Variants in USH2A observed in about 807,000 individuals in gnomAD.
USH2A encodes Usher syndrome 2A (autosomal recessive, mild).
USH2A carries 443 observed loss-of-function variants against 538.9 expected under a neutral mutation model. The observed-to-expected ratio is 0.82, with a 90% confidence interval of 0.76 to 0.89. The LOEUF is 0.89. Ranked by LOEUF, USH2A falls within the 40% of genes least tolerant of loss-of-function variation. The probability of loss-of-function intolerance (pLI) is 0.00; values close to 1 mark genes in which losing one functional copy is unlikely to be tolerated. For missense variants in USH2A, 6,633 were observed against 6,324.8 expected (o/e 1.05, Z -1.65); for synonymous variants, 2,413 against 2,273.5 (o/e 1.06, Z -1.75).
intron 37 of USH2A, among the ~76,000 whole-genome samples, chr1:215,952,889 C>T (rs1042603307): frequency 1.5e-4 from 23 of 151,954 alleles, no homozygotes; most frequent in Admixed American, 4.6e-4. Flanking sequence ...AGTATCTTTG[C>T]AAAAATCACA....
In USH2A at chr1:215,674,106, A is replaced by G. The variant is rs574442439; in HGVS notation, c.13805T>C (p.Phe4602Ser). 2.6e-5 allele frequency: 42 copies of G among 1,614,048 alleles called. No homozygotes were observed. The South Asian group carries it at 4.1e-4, about 16-fold the overall frequency. The change falls in exon 63 of 72, where the codon TTT becomes TCT. Residue 4602 changes from phenylalanine to serine, a missense_variant. Coordinates refer to ENST00000307340, the MANE Select transcript of USH2A (RefSeq NM_206933.4). ...QSYIVNQLKP[F>S]HRYEIRIQAC... is the part of the protein sequence containing the mutation. ...CCGAGACATGGCTACCTACCTGTGA[A>G]ATGGCTTCAGCTGGTTTACTATATA...
At chr1:216,039,561 AG>A (rs1198215395) in intron 32 of USH2A, among the ~76,000 whole-genome samples, 1 of 152,014 alleles carries the variant, frequency 6.6e-6, no homozygotes, top group African/African-American at 2.4e-5. Context: ...TTTATGTAAG[AG>A]GAGTTATTTC....
intron 32 of USH2A, among the ~76,000 whole-genome samples, chr1:216,026,512 T>A (rs1487411708): frequency 6.6e-6 from 1 of 152,156 alleles, no homozygotes; most frequent in East Asian, 1.9e-4. Flanking sequence ...AGATTTAGGT[T>A]AGTCTTAGGT....
intron 32 of USH2A, among the ~76,000 whole-genome samples, chr1:216,030,734 A>T (rs2365886): frequency 0.029 from 4,403 of 150,708 alleles, 205 homozygotes; most frequent in African/African-American, 0.1. Flanking sequence ...TATTGGGGTG[A>T]GTGAAAAAGA....
intron 21 of USH2A, among the ~76,000 whole-genome samples, chr1:216,152,351 A>G (rs1267909186): frequency 6.6e-6 from 1 of 152,172 alleles, no homozygotes; most frequent in Non-Finnish European, 1.5e-5. Context: ...ACCACAAAAG[A>G]AATGTAAATG....
At position 215,928,475 on chromosome 1, in the gene USH2A, G is replaced by C. The variant is rs1029746010; in HGVS notation, c.7300+6141C>G. Among the ~76,000 whole-genome samples, 9 of 151,986 alleles carry C rather than the reference G, an allele frequency of 5.9e-5. No individual in the cohort carries two copies. The East Asian group carries it at 1.7e-3, about 29-fold the overall frequency. The stretch of plus-strand genomic sequence containing the variant: ...GTATCTGTAATACTTGCATGTATGT[G>C]TTTGTACATATACACATACACAATC... On this transcript the variant is annotated intron_variant, in intron 38 of 71. Coordinates refer to ENST00000307340, the MANE Select transcript of USH2A (RefSeq NM_206933.4).
At chr1:216,356,342 TGC>T (rs2038391562) in intron 4 of USH2A, among the ~76,000 whole-genome samples, 1 of 152,046 alleles carries the variant, frequency 6.6e-6, no homozygotes, top group Admixed American at 6.6e-5. Context: ...ATTCTGAAAA[TGC>T]TTCCATTTAT....
At chr1:216,207,016 T>C (rs2035128281) in intron 16 of USH2A, among the ~76,000 whole-genome samples, 1 of 152,150 alleles carries the variant, frequency 6.6e-6, no homozygotes, top group Non-Finnish European at 1.5e-5. Flanking sequence ...CTTCCCCACA[T>C]TCCCATCAAT....
Position 216,191,473 on chromosome 1 carries a change from A to G in USH2A, c.4252-1106T>C, listed in dbSNP as rs536003885. On this transcript the variant is annotated intron_variant, in intron 19 of 71. Coordinates refer to ENST00000307340, the MANE Select transcript of USH2A (RefSeq NM_206933.4). ...GTGTTTCAATAACATTCAGAAATAAAGGTGTTTTTAAAGATTCTAAAACTC... is the reference window on the plus strand; with the variant it reads ...GTGTTTCAATAACATTCAGAAATAAGGGTGTTTTTAAAGATTCTAAAACTC... Among the ~76,000 whole-genome samples, 7 of 152,126 alleles carry G rather than the reference A, an allele frequency of 4.6e-5. No individual in the cohort carries two copies. The South Asian group carries it at 1.5e-3, about 32-fold the overall frequency.
chr1:216,253,594 G>T (rs1188002594), intron 11 of USH2A, among the ~76,000 whole-genome samples: 1 of 152,126 alleles, frequency 6.6e-6, no homozygotes, highest in Admixed American at 6.5e-5. Context: ...AAGTTTATAA[G>T]AATTCTATGC....
intron 3 of USH2A, among the ~76,000 whole-genome samples, chr1:216,367,038 T>C (rs2038613422): frequency 6.6e-6 from 1 of 152,138 alleles, no homozygotes; most frequent in South Asian, 2.1e-4. Context: ...CTCAGTGGTA[T>C]TAATGCATAA....
At chr1:215,697,824 T>A (rs1285141558) in intron 61 of USH2A, among the ~76,000 whole-genome samples, 5 of 152,160 alleles carry the variant, frequency 3.3e-5, no homozygotes. Flanking sequence ...CCCAGGCTTT[T>A]ATTTATTTAT....
In USH2A at chr1:216,247,110, G is replaced by A. The variant is rs770496558; in HGVS notation, c.2284C>T (p.His762Tyr). 1.9e-6 allele frequency: 3 copies of A among 1,614,080 alleles called. No homozygotes were observed. The highest frequency in any genetic ancestry group is 2.5e-6 in the Non-Finnish European group (3 of 1,179,952). The change falls in exon 13 of 72, where the codon CAC (histidine) becomes TAC (tyrosine). Residue 762 changes from histidine to tyrosine, a missense_variant. By Grantham distance (83) the His-to-Tyr change is moderately conservative. Transcript: ENST00000307340. ...HGSVNKFCNP[H>Y]SGQCECKKEA... is the part of the protein sequence containing the mutation. ...TTTTTGCACTCACACTGCCCAGAGT[G>A]AGGATTGCAGAATTTGTTCACTGAG...
chr1:215,920,664 A>G (rs1666075810), intron 38 of USH2A, among the ~76,000 whole-genome samples: 1 of 152,022 alleles, frequency 6.6e-6, no homozygotes, highest in African/African-American at 2.4e-5. Context: ...ACAATCAGGA[A>G]ATGAAAATGC....
chr1:216,404,232 C>T (rs1182466688), intron 3 of USH2A, among the ~76,000 whole-genome samples: 1 of 152,058 alleles, frequency 6.6e-6, no homozygotes, highest in African/African-American at 2.4e-5. Flanking sequence ...CCAAATCCAT[C>T]TATAGATATA....
At chr1:216,243,725 C>G (rs2035978922) in intron 13 of USH2A, among the ~76,000 whole-genome samples, 2 of 152,116 alleles carry the variant, frequency 1.3e-5, no homozygotes, top group Admixed American at 6.5e-5. Flanking sequence ...AGAAATGGAG[C>G]TCCAAATATG....
At chr1:216,128,550 A>G (rs1355328542) in intron 21 of USH2A, among the ~76,000 whole-genome samples, 1 of 152,108 alleles carries the variant, frequency 6.6e-6, no homozygotes, top group Non-Finnish European at 1.5e-5. Context: ...ATCCTCGAAG[A>G]CTTCCAAACT....
intron 30 of USH2A, among the ~76,000 whole-genome samples, chr1:216,061,499 G>A (rs1291339016): frequency 1.3e-5 from 2 of 152,164 alleles, no homozygotes; most frequent in Non-Finnish European, 2.9e-5. Context: ...AAATTTAAAT[G>A]TGATCACTGG....
chr1:215,900,180 C>T lies in USH2A; in HGVS notation c.7489G>A (p.Val2497Met), dbSNP rs1665452444. 1.9e-6 allele frequency: 3 copies of T among 1,613,576 alleles called. No homozygotes were observed. The highest frequency in any genetic ancestry group is 2.5e-6 in the Non-Finnish European group (3 of 1,179,786). Residue 2497 changes from valine (V) to methionine (M), a missense_variant, in exon 40 of 72, where the codon GTG becomes ATG. Transcript: ENST00000307340. Reference sequence around the variant, plus strand: ...TCTGTGTACGGTTGGAGATCACTCACTTCATAGCTTAACGATGCAGAAGGA... The same window carrying T: ...TCTGTGTACGGTTGGAGATCACTCATTTCATAGCTTAACGATGCAGAAGGA... ...SNPSASLSYE[V>M]SDLQPYTEYM...
Sources: gnomAD v4.1 joint callset for allele counts (sites outside exome capture counted in the v4.1 genomes callset) on GRCh38, gnomAD v4.1.1 for gene constraint, MANE v1.5 for transcripts, NCBI Gene and HGNC (gene_info 2026-07-23, HGNC 2026-07-21) for gene names.